ARHGAP15: variants seen among roughly 807,000 people sequenced by gnomAD.
The protein encoded by ARHGAP15 is Rho GTPase activating protein 15.
Under a neutral mutation model 63.7 loss-of-function variants are expected in ARHGAP15, and 51 were observed. That is an observed-to-expected ratio of 0.80 (90% confidence interval 0.64 to 1.01). ARHGAP15 has a LOEUF of 1.01. ARHGAP15 is among the 50% of genes least tolerant of loss of function. The pLI is 0.00. For synonymous variants in ARHGAP15, 191 were observed against 193.8 expected (o/e 0.99, Z 0.12); for missense variants, 560 against 564.6 (o/e 0.99, Z 0.08).
chr2:143,478,486 ACAGATGGACAGG>A (rs934972157), intron 8 of ARHGAP15, among the ~76,000 whole-genome samples: 1 of 152,198 alleles, frequency 6.6e-6, no homozygotes, highest in African/African-American at 2.4e-5. Flanking sequence ...GCATTGCCAC[ACAGATGGACAGG>A]CAGGGCCTTA....
intron 12 of ARHGAP15, among the ~76,000 whole-genome samples, chr2:143,695,508 G>C (rs887165489): frequency 3.9e-5 from 6 of 152,194 alleles, no homozygotes; most frequent in Non-Finnish European, 7.3e-5. Flanking sequence ...ACTGGTTTCA[G>C]ATTGGTTAGT....
intron 11 of ARHGAP15, among the ~76,000 whole-genome samples, chr2:143,598,214 A>G (rs184931071): frequency 1.5e-3 from 228 of 152,310 alleles, no homozygotes; most frequent in Non-Finnish European, 2.6e-3. Context: ...AACAAAGAAC[A>G]TCTAAACTAA....
intron 11 of ARHGAP15, among the ~76,000 whole-genome samples, chr2:143,621,023 C>T (rs1172947052): frequency 6.6e-6 from 1 of 152,218 alleles, no homozygotes; most frequent in Non-Finnish European, 1.5e-5. Flanking sequence ...GTTACTTCTA[C>T]AGACACTTAT....
rs529420963 is a variant in ARHGAP15, at chr2:143,737,523, G to A, written c.1245-30466G>A. Among the ~76,000 whole-genome samples, 6 of 152,186 alleles carry A rather than the reference G, an allele frequency of 3.9e-5. No homozygotes were observed. In the East Asian group the frequency reaches 9.7e-4, roughly 25 times the overall value. Reference sequence around the variant, plus strand: ...TTTCTTCTGCCAGTCATAAACAATAGGTTTTAAATTCATTCCTAAGAAGAA... The same window carrying A: ...TTTCTTCTGCCAGTCATAAACAATAAGTTTTAAATTCATTCCTAAGAAGAA... On this transcript the variant is annotated intron_variant, in intron 13 of 13. Transcript: ENST00000295095.
At chr2:143,468,661 A>AGTGT (rs72252562) in intron 8 of ARHGAP15, among the ~76,000 whole-genome samples, 13,692 of 133,342 alleles carry the variant, frequency 0.1, 824 homozygotes, top group East Asian at 0.19. Context: ...AGAGAGAGAG[A>AGTGT]GAGTGTGTGT....
chr2:143,642,641 T>C (rs190881708), intron 12 of ARHGAP15, among the ~76,000 whole-genome samples: 9 of 152,228 alleles, frequency 5.9e-5, no homozygotes, highest in Admixed American at 5.2e-4. Flanking sequence ...AAGAGGTACA[T>C]TCCCTGAACT....
intron 10 of ARHGAP15, among the ~76,000 whole-genome samples, chr2:143,523,806 G>T (rs1323784471): frequency 6.6e-6 from 1 of 152,066 alleles, no homozygotes; most frequent in Non-Finnish European, 1.5e-5. Context: ...ACATTAAAAT[G>T]ATACCTAGAG....
At chr2:143,715,449 G>A (rs933382803) in intron 13 of ARHGAP15, among the ~76,000 whole-genome samples, 15 of 152,152 alleles carry the variant, frequency 9.9e-5, no homozygotes, top group Non-Finnish European at 1.9e-4. Context: ...CATCTTAAGG[G>A]TATTGGTAAG....
intron 6 of ARHGAP15, among the ~76,000 whole-genome samples, chr2:143,267,255 T>C (rs1156875278): frequency 1.3e-5 from 2 of 152,182 alleles, no homozygotes; most frequent in African/African-American, 4.8e-5. Flanking sequence ...GTTGTTTAAA[T>C]GAGGCAAACT....
intron 6 of ARHGAP15, among the ~76,000 whole-genome samples, chr2:143,337,425 C>T (rs562634059): frequency 6.6e-6 from 1 of 152,114 alleles, no homozygotes; most frequent in Non-Finnish European, 1.5e-5. Flanking sequence ...TTTCTATAGG[C>T]TGTATATGAC....
chr2:143,390,730 TGCACACAC>T (rs1387333798), intron 6 of ARHGAP15, among the ~76,000 whole-genome samples: 1 of 37,522 alleles, frequency 2.7e-5, no homozygotes, highest in Admixed American at 4.4e-4. Context: ...GGAAAACACA[TGCACACAC>T]ACACACACAC....
intron 6 of ARHGAP15, among the ~76,000 whole-genome samples, chr2:143,373,059 TAAAGAG>T (rs1686633084): frequency 9.4e-6 from 1 of 106,626 alleles, no homozygotes; most frequent in Admixed American, 9.8e-5. Context: ...ATGAGACAGA[TAAAGAG>T]AAAATAGCAC....
intron 11 of ARHGAP15, among the ~76,000 whole-genome samples, chr2:143,557,158 A>T (rs1695837677): frequency 1.3e-5 from 2 of 152,256 alleles, no homozygotes; most frequent in African/African-American, 4.8e-5. Flanking sequence ...CAAATGAGTT[A>T]AAAACTCATG....
chr2:143,502,307 G>C (rs1693099730), intron 9 of ARHGAP15, among the ~76,000 whole-genome samples: 1 of 151,922 alleles, frequency 6.6e-6, no homozygotes, highest in South Asian at 2.1e-4. Flanking sequence ...TACTCGGGAG[G>C]CTGAGGCAGG....
chr2:143,245,177 T>C (rs559658370), intron 5 of ARHGAP15, among the ~76,000 whole-genome samples: 11 of 151,972 alleles, frequency 7.2e-5, no homozygotes, highest in Non-Finnish European at 1.5e-4. Context: ...CCAAAACCCA[T>C]AGGAATCACA....
intron 7 of ARHGAP15, 86 bp downstream of exon 7, chr2:143,435,785 A>G: frequency 7.7e-7 from 1 of 1,299,578 alleles, no homozygotes; most frequent in South Asian, 1.4e-5. Context: ...ACACACACTC[A>G]TTTAAATAGA....
chr2:143,418,209 G>C (rs931477280), intron 6 of ARHGAP15, among the ~76,000 whole-genome samples: 1 of 152,178 alleles, frequency 6.6e-6, no homozygotes, highest in African/African-American at 2.4e-5. Context: ...CCTCACTGGA[G>C]TCATCAGGAC....
At chr2:143,293,721 A>G (rs1682509102) in intron 6 of ARHGAP15, among the ~76,000 whole-genome samples, 1 of 152,036 alleles carries the variant, frequency 6.6e-6, no homozygotes, top group African/African-American at 2.4e-5. Context: ...TCTGGGAGGA[A>G]GGAAACGGAA....
chr2:143,707,734 G>A (rs1312037346), intron 13 of ARHGAP15, among the ~76,000 whole-genome samples: 3 of 152,086 alleles, frequency 2.0e-5, no homozygotes, highest in African/African-American at 7.2e-5. Context: ...GATAGGGGAG[G>A]GTTATGTAGA....
Sources: allele counts gnomAD v4.1 joint callset (sites outside exome capture counted in the v4.1 genomes callset), GRCh38; gene constraint gnomAD v4.1.1; transcripts MANE v1.5; gene names NCBI Gene and HGNC (gene_info 2026-07-23, HGNC 2026-07-21).